The following UNC5D variants were observed in gnomAD, a reference collection of about 807,000 sequenced individuals.
UNC5D encodes the protein unc-5 netrin receptor D.
Under a neutral mutation model 105.4 loss-of-function variants are expected in UNC5D, and 39 were observed. The observed-to-expected ratio is 0.37, with a 90% CI of 0.29 to 0.48. The LOEUF (loss-of-function observed/expected upper bound fraction) is 0.48, where lower values mean the gene tolerates loss of function less well. Among genes scored for constraint, UNC5D ranks in the 20% least tolerant of loss-of-function variants. The pLI is 0.98. For synonymous variants in UNC5D, 452 were observed against 450.4 expected, an observed-to-expected ratio of 1.00 and a Z score of -0.04; for missense variants, 991 against 1,202.4, an observed-to-expected ratio of 0.82 and a Z score of 2.60.
At chr8:35,652,136 C>T (rs925041077) in intron 4 of UNC5D, among the ~76,000 whole-genome samples, 1 of 152,106 alleles carries the variant, frequency 6.6e-6, no homozygotes, top group African/African-American at 2.4e-5. Context: ...TCCTTATAGC[C>T]TTGCATACAC....
chr8:35,325,686 C>T (rs535855261), intron 1 of UNC5D, among the ~76,000 whole-genome samples: 3 of 152,152 alleles, frequency 2.0e-5, no homozygotes, highest in Non-Finnish European at 4.4e-5. Flanking sequence ...GGCGAGTTGC[C>T]AGTTGCTTTA....
At chr8:35,483,758 A>G (rs550798448) in intron 1 of UNC5D, among the ~76,000 whole-genome samples, 1 of 152,306 alleles carries the variant, frequency 6.6e-6, no homozygotes, top group Admixed American at 6.5e-5. Flanking sequence ...TGGGGCCGAG[A>G]GGGTATTGAT....
intron 13 of UNC5D, among the ~76,000 whole-genome samples, chr8:35,751,108 G>A (rs1830261644): frequency 6.6e-6 from 1 of 152,146 alleles, no homozygotes; most frequent in Admixed American, 6.5e-5. Flanking sequence ...AATTTGGTGG[G>A]TAGGGGCTAG....
chr8:35,272,877 G>C (rs1455354862), intron 1 of UNC5D, among the ~76,000 whole-genome samples: 1 of 152,344 alleles, frequency 6.6e-6, no homozygotes, highest in South Asian at 2.1e-4. Context: ...AAGTTGTGTA[G>C]TGCCTAGTGG....
At chr8:35,429,273 AG>A (rs1377928275) in intron 1 of UNC5D, among the ~76,000 whole-genome samples, 2 of 152,152 alleles carry the variant, frequency 1.3e-5, no homozygotes, top group Non-Finnish European at 2.9e-5. Context: ...TCTGAGCTAT[AG>A]GTTTTTCATA....
At position 35,722,415 on chromosome 8, in the gene UNC5D, C is replaced by G. The variant is rs1420917713; in HGVS notation, c.1303+20C>G. The G allele has an allele frequency of 1.9e-6, 3 of 1,608,666 alleles. No individual in the cohort carries two copies. Among genetic ancestry groups the G allele is most frequent in the Non-Finnish European group, 2.5e-6 (3 of 1,177,596 alleles). ...GTCAAGGTCAGCGGCATAGGTCCCT[C>G]CACACCTCGTCCTCAGTGCCATAGA... is the stretch of plus-strand genomic sequence containing the variant. On this transcript the variant is annotated intron_variant, in intron 9 of 16. Coordinates refer to ENST00000404895, the MANE Select transcript of UNC5D (RefSeq NM_080872.4).
At chr8:35,242,924 T>C (rs1802887424) in intron 1 of UNC5D, among the ~76,000 whole-genome samples, 1 of 152,206 alleles carries the variant, frequency 6.6e-6, no homozygotes, top group South Asian at 2.1e-4. Flanking sequence ...TATTTTAATT[T>C]AGTGTAATAA....
intron 16 of UNC5D, among the ~76,000 whole-genome samples, chr8:35,778,541 G>A (rs1390485637): frequency 6.6e-6 from 1 of 152,112 alleles, no homozygotes; most frequent in Admixed American, 6.5e-5. Flanking sequence ...AGCTATGCAT[G>A]GCTGAGGATT....
At chr8:35,721,227 A>G (rs1436555745) in intron 8 of UNC5D, among the ~76,000 whole-genome samples, 1 of 151,934 alleles carries the variant, frequency 6.6e-6, no homozygotes, top group East Asian at 1.9e-4. Context: ...CTCCATTTTC[A>G]CACACCTTCT....
chr8:35,379,844 A>G (rs1211605253), intron 1 of UNC5D, among the ~76,000 whole-genome samples: 2 of 152,070 alleles, frequency 1.3e-5, no homozygotes, highest in Non-Finnish European at 1.5e-5. Context: ...GTATGTTTTG[A>G]TATATAAAGC....
At chr8:35,347,843 G>T (rs1811915578) in intron 1 of UNC5D, among the ~76,000 whole-genome samples, 1 of 151,954 alleles carries the variant, frequency 6.6e-6, no homozygotes, top group Non-Finnish European at 1.5e-5. Context: ...AATTTATGCT[G>T]CATAGCCCAA....
At chr8:35,646,879 G>A (rs757146870) in intron 4 of UNC5D, among the ~76,000 whole-genome samples, 12 of 152,140 alleles carry the variant, frequency 7.9e-5, no homozygotes, top group Non-Finnish European at 1.0e-4. Context: ...ATGGGATGTC[G>A]CTGTTGATAT....
At chr8:35,617,162 A>T (rs576171756) in intron 4 of UNC5D, among the ~76,000 whole-genome samples, 1 of 152,310 alleles carries the variant, frequency 6.6e-6, no homozygotes, top group East Asian at 1.9e-4. Context: ...AACAACGGCC[A>T]CAATCACCAC....
intron 4 of UNC5D, among the ~76,000 whole-genome samples, chr8:35,671,017 C>T (rs911168172): frequency 8.5e-5 from 13 of 152,162 alleles, no homozygotes; most frequent in African/African-American, 3.1e-4. Flanking sequence ...TCTGACACAT[C>T]TAATACATAT....
chr8:35,324,802 CTG>C (rs1229225079), intron 1 of UNC5D, among the ~76,000 whole-genome samples: 1 of 152,148 alleles, frequency 6.6e-6, no homozygotes, highest in African/African-American at 2.4e-5. Context: ...AATTAGTTCT[CTG>C]TGCTGAAAAA....
intron 1 of UNC5D, among the ~76,000 whole-genome samples, chr8:35,439,889 A>G (rs1195043927): frequency 1.3e-5 from 2 of 152,094 alleles, no homozygotes; most frequent in Non-Finnish European, 2.9e-5. Flanking sequence ...CTGTTAGTCA[A>G]AAATCTCTCA....
intron 1 of UNC5D, among the ~76,000 whole-genome samples, chr8:35,524,656 G>A (rs931794823): frequency 1.1e-3 from 135 of 124,142 alleles, no homozygotes; most frequent in East Asian, 2.1e-3. Context: ...AAAAAAAAAA[G>A]AAAAAAGAAA....
At chr8:35,465,736 T>G (rs1178995422) in intron 1 of UNC5D, among the ~76,000 whole-genome samples, 2 of 152,172 alleles carry the variant, frequency 1.3e-5, no homozygotes, top group East Asian at 3.9e-4. Flanking sequence ...GACTTGAAGT[T>G]GCTACTCAGC....
chr8:35,612,290 T>C (rs1444391016), intron 4 of UNC5D, among the ~76,000 whole-genome samples: 4 of 152,216 alleles, frequency 2.6e-5, no homozygotes, highest in African/African-American at 9.6e-5. Context: ...TGCTTCTTGC[T>C]CAGCCCCAAA....
Sources: allele counts gnomAD v4.1 joint callset (sites outside exome capture counted in the v4.1 genomes callset), GRCh38; gene constraint gnomAD v4.1.1; transcripts MANE v1.5; gene names NCBI Gene and HGNC (gene_info 2026-07-23, HGNC 2026-07-21).